The following GALNT13 variants were observed in gnomAD, a reference collection of about 807,000 sequenced individuals.
GALNT13 encodes polypeptide N-acetylgalactosaminyltransferase 13.
GALNT13 carries 28 observed loss-of-function variants against 64.2 expected under a neutral mutation model. That is an observed-to-expected ratio of 0.44 (90% confidence interval 0.32 to 0.60). The LOEUF (loss-of-function observed/expected upper bound fraction) is 0.60. Ranked by LOEUF, GALNT13 falls within the 20% of genes least tolerant of loss-of-function variation. GALNT13 has a pLI of 0.05. For missense variants in GALNT13, 577 were observed against 669.8 expected (o/e 0.86, Z 1.53); for synonymous variants, 214 against 224.6 (o/e 0.95, Z 0.42).
At chr2:153,811,067 C>G in the GALNT13 span, among the ~76,000 whole-genome samples, 2 of 152,056 alleles carry the variant, frequency 1.3e-5, no homozygotes, top group African/African-American at 4.8e-5. Flanking sequence ...TGAATTAATT[C>G]AGTACCCAGC....
chr2:154,262,678 G>T (rs539254130), intron 8 of GALNT13, among the ~76,000 whole-genome samples: 1 of 152,148 alleles, frequency 6.6e-6, no homozygotes, highest in South Asian at 2.1e-4. Flanking sequence ...ACAAAACTTT[G>T]TGCTCTTATG....
intron 3 of GALNT13, among the ~76,000 whole-genome samples, chr2:154,029,476 T>A (rs758499109): frequency 9.9e-5 from 15 of 152,088 alleles, no homozygotes; most frequent in Admixed American, 1.3e-4. Flanking sequence ...CTAGAGGAAT[T>A]TGAAGCCTGT....
chr2:154,454,142 G>T (rs1406578068), downstream of GALNT13, among the ~76,000 whole-genome samples: 4 of 151,964 alleles, frequency 2.6e-5, no homozygotes, highest in Non-Finnish European at 5.9e-5. Context: ...TCTTCTAAGT[G>T]CAGTCAATGG....
At chr2:154,287,743 A>G (rs112557928) in intron 8 of GALNT13, among the ~76,000 whole-genome samples, 2,940 of 152,148 alleles carry the variant, frequency 0.019, 70 homozygotes, top group African/African-American at 0.059. Flanking sequence ...ACTGCCTATA[A>G]AGTAAATTCT....
At chr2:154,284,162 C>T (rs1008873313) in intron 8 of GALNT13, among the ~76,000 whole-genome samples, 1 of 152,058 alleles carries the variant, frequency 6.6e-6, no homozygotes. Flanking sequence ...TTTTGAAATA[C>T]AAAATACATC....
chr2:153,495,383 G>T, the GALNT13 span, among the ~76,000 whole-genome samples: 19 of 151,952 alleles, frequency 1.3e-4, no homozygotes, highest in Non-Finnish European at 4.4e-5. Flanking sequence ...TCACTCCTTG[G>T]CATTTACCCA....
chr2:153,552,067 G>T, the GALNT13 span, among the ~76,000 whole-genome samples: 2 of 152,108 alleles, frequency 1.3e-5, no homozygotes, highest in Non-Finnish European at 2.9e-5. Flanking sequence ...GAGGAGAAAT[G>T]CTCAAATGTC....
At chr2:154,192,041 A>C (rs1047556705) in intron 4 of GALNT13, among the ~76,000 whole-genome samples, 1 of 152,108 alleles carries the variant, frequency 6.6e-6, no homozygotes, top group East Asian at 1.9e-4. Context: ...GCCAGAAAGG[A>C]GATGGAGTGG....
the GALNT13 span, among the ~76,000 whole-genome samples, chr2:153,100,232 C>A: frequency 6.6e-6 from 1 of 152,180 alleles, no homozygotes; most frequent in Non-Finnish European, 1.5e-5. Context: ...CAGACTCTAA[C>A]TGCCATCTCC....
chr2:153,824,212 A>T, the GALNT13 span, among the ~76,000 whole-genome samples: 1 of 152,112 alleles, frequency 6.6e-6, no homozygotes, highest in Non-Finnish European at 1.5e-5. Flanking sequence ...TACTCTATAC[A>T]CTGTATATAG....
At chr2:154,258,264 C>T (rs184030073) in intron 7 of GALNT13, among the ~76,000 whole-genome samples, 3 of 152,216 alleles carry the variant, frequency 2.0e-5, no homozygotes, top group Admixed American at 6.5e-5. Context: ...TTAAAAACTT[C>T]ACATCTGACT....
At chr2:154,089,208 C>T (rs1195006096) in intron 3 of GALNT13, among the ~76,000 whole-genome samples, 1 of 152,058 alleles carries the variant, frequency 6.6e-6, no homozygotes, top group Non-Finnish European at 1.5e-5. Flanking sequence ...CTGCCTACTC[C>T]ATGGGCAAAA....
At chr2:154,101,563 C>A (rs1702350532) in intron 3 of GALNT13, among the ~76,000 whole-genome samples, 1 of 151,878 alleles carries the variant, frequency 6.6e-6, no homozygotes, top group Non-Finnish European at 1.5e-5. Flanking sequence ...GTTAATCTAG[C>A]TTGTAGTCTA....
chr2:153,187,228 C>T, the GALNT13 span, among the ~76,000 whole-genome samples: 183 of 152,284 alleles, frequency 1.2e-3, 1 homozygote, highest in African/African-American at 4.3e-3. Flanking sequence ...AAAGAGAACA[C>T]AGGCAGTCTA....
chr2:154,314,287 G>A (rs1694212729), intron 9 of GALNT13, among the ~76,000 whole-genome samples: 2 of 151,982 alleles, frequency 1.3e-5, no homozygotes, highest in Non-Finnish European at 2.9e-5. Context: ...TAACAAAATT[G>A]AAGAGATCAC....
At chr2:153,276,233 C>T in the GALNT13 span, among the ~76,000 whole-genome samples, 5 of 151,892 alleles carry the variant, frequency 3.3e-5, no homozygotes, top group Admixed American at 6.6e-5. Flanking sequence ...TTTTCACTTG[C>T]GTTTATACTT....
intron 2 of GALNT13, among the ~76,000 whole-genome samples, chr2:153,934,115 T>C (rs1462653340): frequency 1.3e-5 from 2 of 152,216 alleles, no homozygotes; most frequent in Admixed American, 1.3e-4. Context: ...TTTTTCTGAA[T>C]GTATCTTTAA....
At chr2:153,634,284 C>G in the GALNT13 span, among the ~76,000 whole-genome samples, 1 of 152,134 alleles carries the variant, frequency 6.6e-6, no homozygotes, top group African/African-American at 2.4e-5. Context: ...ATGTAACCTA[C>G]ACTTATATTC....
At chr2:154,232,129 A>G (rs1688950102) in intron 4 of GALNT13, among the ~76,000 whole-genome samples, 1 of 152,074 alleles carries the variant, frequency 6.6e-6, no homozygotes, top group Admixed American at 6.6e-5. Flanking sequence ...TCCAATTATA[A>G]CAATGCTGAA....
Sources: gnomAD v4.1 joint callset for allele counts (sites outside exome capture counted in the v4.1 genomes callset) on GRCh38, gnomAD v4.1.1 for gene constraint, MANE v1.5 for transcripts, NCBI Gene and HGNC (gene_info 2026-07-23, HGNC 2026-07-21) for gene names.